The following MBNL2 variants were observed in gnomAD, a reference collection of about 807,000 sequenced individuals.
MBNL2 encodes the protein muscleblind-like protein 2.
A neutral mutation model predicts 41.9 loss-of-function variants in MBNL2; 17 were observed. That is an observed-to-expected ratio of 0.41 (90% CI 0.28 to 0.61). MBNL2 has a LOEUF of 0.61. MBNL2 is among the 20% of genes least tolerant of loss of function. MBNL2 has a pLI of 0.35. For missense variants in MBNL2, 336 were observed against 505.6 expected, an observed-to-expected ratio of 0.66 and a Z score of 3.22; for synonymous variants, 195 against 182.9, an observed-to-expected ratio of 1.07 and a Z score of -0.53.
At chr13:97,255,574 T>A (rs2152855836) in intron 1 of MBNL2, among the ~76,000 whole-genome samples, 1 of 152,280 alleles carries the variant, frequency 6.6e-6, no homozygotes, top group South Asian at 2.1e-4. Context: ...ACTCAATCCT[T>A]CTAACTCCCA....
At chr13:97,216,927 C>T (rs139846124), upstream of MBNL2, among the ~76,000 whole-genome samples, 1,112 of 148,888 alleles carry the variant, frequency 7.5e-3, 13 homozygotes, top group African/African-American at 0.026. Flanking sequence ...ATATAATACA[C>T]ATATAATGTA....
At chr13:97,284,649 C>T (rs2054082183) in intron 2 of MBNL2, among the ~76,000 whole-genome samples, 1 of 152,142 alleles carries the variant, frequency 6.6e-6, no homozygotes, top group Non-Finnish European at 1.5e-5. Context: ...ATAATATATA[C>T]ACCTAGAAAA....
At chr13:97,282,092 C>T (rs969040386) in intron 2 of MBNL2, among the ~76,000 whole-genome samples, 1 of 152,040 alleles carries the variant, frequency 6.6e-6, no homozygotes, top group African/African-American at 2.4e-5. Flanking sequence ...TGGCTCACAC[C>T]TGTAGTCCCA....
intron 2 of MBNL2, among the ~76,000 whole-genome samples, chr13:97,289,507 A>G (rs1262940659): frequency 2.0e-5 from 3 of 152,226 alleles, no homozygotes; most frequent in African/African-American, 7.2e-5. Flanking sequence ...GCTGGAAAAT[A>G]CCAGGAAAAC....
At chr13:97,223,680 G>C (rs948236910) in intron 1 of MBNL2, among the ~76,000 whole-genome samples, 11 of 152,126 alleles carry the variant, frequency 7.2e-5, no homozygotes, top group Non-Finnish European at 1.2e-4. Context: ...GGGACAATAA[G>C]GTTTTTAAAA....
intron 1 of MBNL2, among the ~76,000 whole-genome samples, chr13:97,260,317 G>A (rs1472075001): frequency 2.0e-5 from 3 of 152,234 alleles, no homozygotes; most frequent in Admixed American, 6.5e-5. Context: ...GCCAGTCACC[G>A]AGGTCAGTGT....
upstream of MBNL2, among the ~76,000 whole-genome samples, chr13:97,218,420 A>AAAAACAAAACAAAAC (rs369390369): frequency 2.3e-4 from 26 of 115,074 alleles, 1 homozygote; most frequent in Admixed American, 7.3e-4. Flanking sequence ...AAAAAAAAAC[A>AAAAACAAAACAAAAC]AAAACAAAAC....
chr13:97,384,701 T>C (rs1322182264), intron 8 of MBNL2, among the ~76,000 whole-genome samples: 1 of 152,212 alleles, frequency 6.6e-6, no homozygotes, highest in African/African-American at 2.4e-5. Context: ...TTTTAGGAAA[T>C]GCCAATTAAT....
the MBNL2 span, among the ~76,000 whole-genome samples, chr13:97,214,752 A>AC: frequency 6.6e-6 from 1 of 152,214 alleles, no homozygotes; most frequent in Non-Finnish European, 1.5e-5. Context: ...GGGGCTGAGA[A>AC]TACTCATCCT....
chr13:97,178,423 C>T, the MBNL2 span, among the ~76,000 whole-genome samples: 2 of 152,086 alleles, frequency 1.3e-5, no homozygotes, highest in Non-Finnish European at 1.5e-5. Context: ...TGTGGCTCAA[C>T]ATGAATAATA....
intron 2 of MBNL2, among the ~76,000 whole-genome samples, chr13:97,294,591 G>A (rs1004276629): frequency 6.6e-6 from 1 of 152,202 alleles, no homozygotes; most frequent in Non-Finnish European, 1.5e-5. Context: ...GAGGCATCTG[G>A]TCAGTAGGTC....
chr13:97,268,366 G>A lies in MBNL2; in HGVS notation c.-604-7266G>A, dbSNP rs373741560. 3.9e-5 allele frequency among the ~76,000 whole-genome samples: 6 copies of A among 152,208 alleles called. No homozygotes were observed. The highest frequency in any genetic ancestry group is 1.4e-4 in the African/African-American group (6 of 41,526). ...ATCCATCTGCCTCGGCCTCCCAAAC[G>A]CTGGGATTACAGGTGTGAGCCACTG... On this transcript the variant is annotated intron_variant, in intron 1 of 8. Coordinates refer to ENST00000679496, the MANE Select transcript of MBNL2 (RefSeq NM_001382683.1). The surrounding 1 kb of genome is among the most constrained non-coding windows in gnomAD (Gnocchi z 4.6).
chr13:97,352,431 G>A (rs1356792493), intron 5 of MBNL2, among the ~76,000 whole-genome samples: 4 of 152,078 alleles, frequency 2.6e-5, no homozygotes, highest in Admixed American at 6.6e-5. Context: ...TTTGTCTCAG[G>A]GAATAGGGAG....
intron 4 of MBNL2, among the ~76,000 whole-genome samples, chr13:97,343,731 G>A (rs1347988876): frequency 6.6e-6 from 1 of 152,238 alleles, no homozygotes; most frequent in African/African-American, 2.4e-5. Flanking sequence ...GCTCTAGTGT[G>A]TTCTGGCATA....
chr13:97,223,396 G>C (rs1352796818), intron 1 of MBNL2, among the ~76,000 whole-genome samples: 1 of 152,196 alleles, frequency 6.6e-6, no homozygotes, highest in Non-Finnish European at 1.5e-5. Flanking sequence ...GAGAAGGAAA[G>C]GATATATTTG....
intron 1 of MBNL2, among the ~76,000 whole-genome samples, chr13:97,246,275 TCACACACACACACA>T (rs34830044): frequency 0.019 from 2,736 of 145,894 alleles, 46 homozygotes; most frequent in Non-Finnish European, 0.026. Flanking sequence ...TACTGTTATT[TCACACACACACACA>T]CACACACACA....
chr13:97,329,336 A>G (rs575214873), intron 2 of MBNL2, among the ~76,000 whole-genome samples: 12 of 152,338 alleles, frequency 7.9e-5, no homozygotes, highest in African/African-American at 2.6e-4. Flanking sequence ...ATAAAATTAG[A>G]AATATGAAAT....
At chr13:97,258,445 A>G (rs980588750) in intron 1 of MBNL2, among the ~76,000 whole-genome samples, 1 of 152,232 alleles carries the variant, frequency 6.6e-6, no homozygotes, top group African/African-American at 2.4e-5. Flanking sequence ...GGATGAAAGT[A>G]ATAACAACAA....
At chr13:97,194,091 G>A in the MBNL2 span, among the ~76,000 whole-genome samples, 1 of 152,130 alleles carries the variant, frequency 6.6e-6, no homozygotes, top group Non-Finnish European at 1.5e-5. Flanking sequence ...TTCTTAAAGA[G>A]GTCTTCTCTG....
Sources: allele counts gnomAD v4.1 joint callset (sites outside exome capture counted in the v4.1 genomes callset), GRCh38; gene constraint gnomAD v4.1.1; non-coding constraint Gnocchi (gnomAD v3.1); transcripts MANE v1.5; gene names NCBI Gene and HGNC (gene_info 2026-07-23, HGNC 2026-07-21).